HACD3: variants seen among roughly 807,000 people sequenced by gnomAD.
The protein encoded by HACD3 is very-long-chain (3R)-3-hydroxyacyl-CoA dehydratase 3.
HACD3 carries 30 observed loss-of-function variants against 55.2 expected under a neutral mutation model. The observed-to-expected ratio is 0.54, with a 90% CI of 0.41 to 0.74. The LOEUF is 0.74. HACD3 is among the 30% of genes least tolerant of loss of function. The pLI is 0.00. For missense variants in HACD3, 363 were observed against 440.1 expected, an observed-to-expected ratio of 0.82 and a Z score of 1.57; for synonymous variants, 141 against 151.7, an observed-to-expected ratio of 0.93 and a Z score of 0.52.
In HACD3 at chr15:65,577,562, A is replaced by G. The variant is rs1176780980; in HGVS notation, c.*1183A>G. Reference sequence around the variant, plus strand: ...AGTGTACAGCCTTTGACAAACTAGAAATATTAGAGTAGGCCAAACACACCT... The same window carrying G: ...AGTGTACAGCCTTTGACAAACTAGAGATATTAGAGTAGGCCAAACACACCT... On this transcript the variant is annotated 3_prime_UTR_variant, in exon 11 of 11. Transcript: ENST00000261875. The G allele has an allele frequency of 6.6e-6, 1 of 152,228 alleles. No homozygotes were observed. The highest frequency in any genetic ancestry group is 1.5e-5 in the Non-Finnish European group (1 of 68,058). 9.4% of individuals were successfully genotyped at this position (152,228 alleles called of 1,614,324 possible). A position where few individuals can be genotyped will look rare whatever the true frequency, so the allele number is the denominator to read the frequency against.
chr15:65,531,901 A>C (rs1157319160), intron 1 of HACD3, among the ~76,000 whole-genome samples: 1 of 151,862 alleles, frequency 6.6e-6, no homozygotes, highest in African/African-American at 2.4e-5. Context: ...TCTTATTGGA[A>C]ACTTCTCCTT....
intron 7 of HACD3, among the ~76,000 whole-genome samples, chr15:65,569,661 T>C (rs572136313): frequency 3.8e-4 from 57 of 151,898 alleles, no homozygotes; most frequent in Non-Finnish European, 7.1e-4. Flanking sequence ...TGAGCCATGA[T>C]TGCACCACTG....
In HACD3 at chr15:65,556,862, T is replaced by C; in HGVS notation, c.328T>C (p.Trp110Arg). ...GTTTTTGGCTCCTGACTTTGATCGT[T>C]GGCTGGATGAATCTGATGCGGAAAT... ...PLFLAPDFDR[W>R]LDESDAEMEL... Residue 110 changes from tryptophan to arginine, a missense_variant, in exon 4 of 11, where the codon TGG becomes CGG. Coordinates refer to ENST00000261875, the MANE Select transcript of HACD3 (RefSeq NM_016395.4). 1 of 1,613,168 alleles carries C rather than the reference T, an allele frequency of 6.2e-7. No homozygotes were observed. The highest frequency in any genetic ancestry group is 8.5e-7 in the Non-Finnish European group (1 of 1,179,536).
At chr15:65,555,622 T>C (rs1784433996) in intron 3 of HACD3, among the ~76,000 whole-genome samples, 1 of 152,102 alleles carries the variant, frequency 6.6e-6, no homozygotes, top group Admixed American at 6.5e-5. Context: ...TAATAACCAG[T>C]GGTACAGTGG....
chr15:65,556,954 C>G (rs748694498), intron 4 of HACD3, 51 bp downstream of exon 4: 248 of 1,536,642 alleles, frequency 1.6e-4, no homozygotes, highest in Admixed American at 2.4e-4. Context: ...ATGGGGAACC[C>G]ACGTTATTCA....
chr15:65,572,641 G>T (rs1386322544), intron 10 of HACD3, among the ~76,000 whole-genome samples: 1 of 152,160 alleles, frequency 6.6e-6, no homozygotes, highest in African/African-American at 2.4e-5. Context: ...AAGGGGACAG[G>T]CATGGTGGCT....
intron 1 of HACD3, among the ~76,000 whole-genome samples, chr15:65,532,170 A>G (rs186595871): frequency 2.8e-4 from 42 of 152,254 alleles, no homozygotes; most frequent in African/African-American, 9.1e-4. Flanking sequence ...GTTCATCCAG[A>G]CTGAGGCTAT....
intron 7 of HACD3, among the ~76,000 whole-genome samples, 194 bp from the exon 8 acceptor site, chr15:65,569,897 A>G (rs1204173526): frequency 6.6e-6 from 1 of 152,224 alleles, no homozygotes; most frequent in Admixed American, 6.5e-5. Context: ...GTTACACAAA[A>G]TACTGTACCT....
chr15:65,541,104 A>C (rs1193514799), intron 1 of HACD3, among the ~76,000 whole-genome samples: 1 of 152,234 alleles, frequency 6.6e-6, no homozygotes, highest in Non-Finnish European at 1.5e-5. Context: ...CCTTTTGGAC[A>C]TACTAGTTTG....
At chr15:65,535,623 C>T in intron 1 of HACD3, 1 of 399,762 alleles carries the variant, frequency 2.5e-6, no homozygotes, top group Non-Finnish European at 4.4e-6. Context: ...TTTGTTAATT[C>T]TTGGAATAGT....
intron 10 of HACD3, among the ~76,000 whole-genome samples, chr15:65,572,950 T>TAA (rs397959532): frequency 1.9e-4 from 27 of 140,866 alleles, no homozygotes; most frequent in African/African-American, 6.8e-4. Flanking sequence ...AAATAAAAAT[T>TAA]AAAAAAAAAA....
chr15:65,558,853 A>C, intron 5 of HACD3, 122 bp downstream of exon 5: 2 of 1,220,572 alleles, frequency 1.6e-6, no homozygotes. Context: ...GGGTGAGTTT[A>C]TGAAAAAGCT....
At chr15:65,531,449 G>C (rs1439248004) in intron 1 of HACD3, 3 of 152,212 alleles carry the variant, frequency 2.0e-5, no homozygotes, top group Non-Finnish European at 4.4e-5. Flanking sequence ...AAGGCACGTA[G>C]TAGTGGAGAC....
chr15:65,567,915 G>C (rs1009438459), intron 7 of HACD3, among the ~76,000 whole-genome samples: 1 of 151,486 alleles, frequency 6.6e-6, no homozygotes, highest in Non-Finnish European at 1.5e-5. Flanking sequence ...TTGTTTAATG[G>C]GTCATAGTTT....
rs74864349 is a variant in HACD3, at chr15:65,562,207, T to C, written c.422-567T>C. 1.3e-3 allele frequency among the ~76,000 whole-genome samples: 205 copies of C among 152,364 alleles called. 2 individuals are homozygous for C. The East Asian group carries it at 0.035, about 26-fold the overall frequency. Reference sequence around the variant, plus strand: ...TGACCTAAACCCAGCAAGGCCTGTCTGTCCAGATTCTTCTCAGCCTCTCTG... The same window carrying C: ...TGACCTAAACCCAGCAAGGCCTGTCCGTCCAGATTCTTCTCAGCCTCTCTG... On this transcript the variant is annotated intron_variant, in intron 5 of 10. Coordinates refer to ENST00000261875, the MANE Select transcript of HACD3 (RefSeq NM_016395.4).
chr15:65,542,550 C>T (rs978827885), intron 1 of HACD3, among the ~76,000 whole-genome samples: 1 of 152,122 alleles, frequency 6.6e-6, no homozygotes, highest in Non-Finnish European at 1.5e-5. Context: ...AGGCATCAGT[C>T]ACTGTGCCTG....
chr15:65,547,187 G>T (rs2072086113), intron 1 of HACD3, among the ~76,000 whole-genome samples: 1 of 152,058 alleles, frequency 6.6e-6, no homozygotes, highest in Non-Finnish European at 1.5e-5. Context: ...CCTGATCTCG[G>T]CTCACTGCAA....
chr15:65,570,303 T>C, intron 8 of HACD3, 100 bp downstream of exon 8: 1 of 878,632 alleles, frequency 1.1e-6, no homozygotes. Flanking sequence ...TCATTTGGTT[T>C]GGGACTAAGA....
At chr15:65,559,607 T>G (rs1199835638) in intron 5 of HACD3, among the ~76,000 whole-genome samples, 1 of 151,658 alleles carries the variant, frequency 6.6e-6, no homozygotes, top group East Asian at 1.9e-4. Flanking sequence ...CACAAACAGG[T>G]CTACCTCAGT....
Sources: gnomAD v4.1 joint callset for allele counts (sites outside exome capture counted in the v4.1 genomes callset) on GRCh38, gnomAD v4.1.1 for gene constraint, MANE v1.5 for transcripts, NCBI Gene and HGNC (gene_info 2026-07-23, HGNC 2026-07-21) for gene names.